DIAPH2: variants seen among roughly 807,000 people sequenced by gnomAD.
The protein encoded by DIAPH2 is protein diaphanous homolog 2.
Under a neutral mutation model 92.7 loss-of-function variants are expected in DIAPH2, and 35 were observed. The ratio of observed to expected loss-of-function variants is 0.38; its 90% confidence interval spans 0.29 to 0.50. DIAPH2 has a LOEUF of 0.50. Among genes scored for constraint, DIAPH2 ranks in the 20% least tolerant of loss-of-function variants. The pLI is 0.94. For missense variants in DIAPH2, 701 were observed against 819.5 expected (o/e 0.86, Z 1.77); for synonymous variants, 301 against 280.4 (o/e 1.07, Z -0.73).
intron 4 of DIAPH2, among the ~76,000 whole-genome samples, chrX:96,766,477 T>C (rs191192094): frequency 9.0e-6 from 1 of 110,844 alleles, no homozygotes; most frequent in African/African-American, 3.3e-5. Flanking sequence ...TGTTTTTTTT[T>C]CTGCAACTAA....
At chrX:97,419,609 T>C (rs193142254) in intron 25 of DIAPH2, among the ~76,000 whole-genome samples, 382 of 112,054 alleles carry the variant, frequency 3.4e-3, no homozygotes, top group African/African-American at 0.012. Context: ...GCTGGTTCTG[T>C]CACTTCACAA....
chrX:97,045,867 T>G (rs1278813458), intron 17 of DIAPH2, among the ~76,000 whole-genome samples: 1 of 99,981 alleles, frequency 1.0e-5, no homozygotes. Flanking sequence ...TTTTTTTTTT[T>G]TTTTGAGACA....
At chrX:96,765,594 G>A (rs1376557669) in intron 4 of DIAPH2, among the ~76,000 whole-genome samples, 2 of 111,533 alleles carry the variant, frequency 1.8e-5, no homozygotes, top group Non-Finnish European at 3.8e-5. Context: ...AAGTGTTATA[G>A]GTTTATATGC....
intron 26 of DIAPH2, among the ~76,000 whole-genome samples, chrX:97,499,198 G>A (rs949686268): frequency 8.9e-6 from 1 of 112,162 alleles, no homozygotes; most frequent in African/African-American, 3.2e-5. Flanking sequence ...CAATTCAGTT[G>A]TGTCTCTTAT....
chrX:97,306,952 G>A, intron 23 of DIAPH2, among the ~76,000 whole-genome samples: 1 of 112,146 alleles, frequency 8.9e-6, no homozygotes, highest in Non-Finnish European at 1.9e-5. Flanking sequence ...AAGGGGCACC[G>A]AATTGTTACA....
At chrX:97,134,361 A>C (rs1266121250) in intron 21 of DIAPH2, among the ~76,000 whole-genome samples, 1 of 112,103 alleles carries the variant, frequency 8.9e-6, no homozygotes, top group Non-Finnish European at 1.9e-5. Context: ...CATTGAAAAC[A>C]CGTTGACACT....
chrX:97,007,165 A>C (rs936212537), intron 17 of DIAPH2, among the ~76,000 whole-genome samples: 12 of 111,114 alleles, frequency 1.1e-4, no homozygotes, highest in Non-Finnish European at 2.3e-4. Context: ...ATTATTTTTG[A>C]TCTGTTCATC....
At chrX:96,710,737 C>CG (rs1250989302) in intron 1 of DIAPH2, among the ~76,000 whole-genome samples, 1 of 110,179 alleles carries the variant, frequency 9.1e-6, no homozygotes, top group Non-Finnish European at 1.9e-5. Context: ...TTTGGGGGAA[C>CG]GGGGGGTTTT....
intron 17 of DIAPH2, among the ~76,000 whole-genome samples, chrX:97,051,519 C>T (rs200845467): frequency 5.1e-5 from 5 of 97,915 alleles, no homozygotes; most frequent in Non-Finnish European, 4.1e-5. Context: ...GTTTTTTTTT[C>T]TTTTTTTTTT....
chrX:97,074,313 C>T (rs2066690114), intron 18 of DIAPH2, among the ~76,000 whole-genome samples: 1 of 110,601 alleles, frequency 9.0e-6, no homozygotes. Flanking sequence ...GGCTGAGGCA[C>T]GAGAATTTCT....
chrX:96,779,151 A>G (rs1192803760), intron 4 of DIAPH2, among the ~76,000 whole-genome samples: 1 of 111,992 alleles, frequency 8.9e-6, no homozygotes, highest in Non-Finnish European at 1.9e-5. Flanking sequence ...ATCATCTGGT[A>G]TTCTTCTGTA....
intron 23 of DIAPH2, among the ~76,000 whole-genome samples, chrX:97,253,807 G>T (rs1358251281): frequency 1.8e-5 from 2 of 111,867 alleles, no homozygotes; most frequent in Admixed American, 1.9e-4. Flanking sequence ...AAACTGTTAT[G>T]AAAGAAAATC....
intron 26 of DIAPH2, among the ~76,000 whole-genome samples, chrX:97,461,784 T>C (rs1265407730): frequency 8.9e-6 from 1 of 111,740 alleles, no homozygotes; most frequent in Non-Finnish European, 1.9e-5. Context: ...TATTGCCATC[T>C]TCCTCTAGGC....
intron 5 of DIAPH2, among the ~76,000 whole-genome samples, chrX:96,901,574 C>A (rs751369144): frequency 1.1e-5 from 1 of 88,505 alleles, no homozygotes; most frequent in Non-Finnish European, 2.2e-5. Flanking sequence ...CAAGGGCACC[C>A]AGGCTGGAGT....
intron 23 of DIAPH2, among the ~76,000 whole-genome samples, chrX:97,295,398 T>C (rs2068634932): frequency 8.9e-6 from 1 of 112,182 alleles, no homozygotes; most frequent in African/African-American, 3.2e-5. Context: ...ACAATGTTGC[T>C]TTTCCCTGGA....
intron 23 of DIAPH2, among the ~76,000 whole-genome samples, chrX:97,323,685 C>A (rs1338569702): frequency 2.8e-5 from 3 of 106,168 alleles, no homozygotes; most frequent in Non-Finnish European, 1.9e-5. Flanking sequence ...GGGCGGATCA[C>A]CTGAGGTCAG....
intron 9 of DIAPH2, among the ~76,000 whole-genome samples, chrX:96,923,239 T>C (rs1468848300): frequency 2.7e-5 from 3 of 111,918 alleles, no homozygotes; most frequent in African/African-American, 9.7e-5. Flanking sequence ...AGAAGTGGAG[T>C]AGCATAATTT....
chrX:96,818,587 A>G (rs2064756183), intron 4 of DIAPH2, among the ~76,000 whole-genome samples: 1 of 112,190 alleles, frequency 8.9e-6, no homozygotes. Context: ...ATCATCAGTC[A>G]CATTAGCCAC....
intron 24 of DIAPH2, among the ~76,000 whole-genome samples, chrX:97,369,187 C>T (rs1411534166): frequency 1.2e-4 from 13 of 111,622 alleles, no homozygotes; most frequent in South Asian, 3.7e-4. Flanking sequence ...GGATTACAGG[C>T]GTGAGCCACC....
Sources: allele counts gnomAD v4.1 joint callset (sites outside exome capture counted in the v4.1 genomes callset), GRCh38; gene constraint gnomAD v4.1.1; transcripts MANE v1.5; gene names NCBI Gene and HGNC (gene_info 2026-07-23, HGNC 2026-07-21).